The following PCNX3 variants were observed in gnomAD, a reference collection of about 807,000 sequenced individuals.
The protein encoded by PCNX3 is pecanex-like protein 3.
PCNX3 carries 58 observed loss-of-function variants against 207.2 expected under a neutral mutation model. The observed-to-expected ratio is 0.28, with a 90% CI of 0.23 to 0.35. The LOEUF (loss-of-function observed/expected upper bound fraction) is 0.35. PCNX3 is among the 10% of genes least tolerant of loss of function. The probability of loss-of-function intolerance (pLI) is 1.00; values close to 1 mark genes in which losing one functional copy is unlikely to be tolerated. For synonymous variants in PCNX3, 1,337 were observed against 1,183.5 expected (o/e 1.13, Z -2.66); for missense variants, 2,410 against 2,774.4 (o/e 0.87, Z 2.95).
intron 6 of PCNX3, 94 bp from the exon 7 acceptor site, chr11:65,619,443 C>A: frequency 6.5e-7 from 1 of 1,527,894 alleles, no homozygotes. Context: ...TGTACTAGGC[C>A]TTTAGCTCCC....
Position 65,636,414 on chromosome 11 carries a change from C to G in PCNX3, c.5617C>G (p.Pro1873Ala). Residue 1873 changes from proline (P) to alanine (A), a missense_variant, in exon 34 of 35, where the codon CCA (proline) becomes GCA (alanine). Physicochemically the swap from Pro to Ala is conservative, Grantham distance 27. This residue lies in a region of PCNX3 where 278 missense variants were observed against 245.1 expected (regional missense o/e 1.13). Transcript: ENST00000355703. ...AGGCAATGGTGACCAACCCCTCCCA[C>G]CAGGCCCTGGCTGGGGGCCGCGGTC... is the stretch of plus-strand genomic sequence containing the variant. ...TAGNGDQPLP[P>A]GPGWGPRSSL... 1 of 1,556,704 alleles carries G rather than the reference C, an allele frequency of 6.4e-7. No homozygotes were observed.
intron 26 of PCNX3, 44 bp from the exon 27 acceptor site, chr11:65,630,307 G>T: frequency 6.3e-7 from 1 of 1,596,242 alleles, no homozygotes; most frequent in Non-Finnish European, 8.5e-7. Flanking sequence ...AGGGCAGGTA[G>T]GGATTGTTCT....
rs1054689836 is a variant in PCNX3 at position 65,624,860 on chromosome 11, G to A, written c.2828-65G>A. 2.8e-5 allele frequency: 42 copies of A among 1,477,150 alleles called. No individual in the cohort carries two copies. The African/African-American group carries it at 3.3e-4, about 12-fold the overall frequency. 91.5% of individuals were successfully genotyped at this position (1,477,150 alleles called of 1,614,324 possible). On this transcript the variant is annotated intron_variant, in intron 15 of 34. Coordinates refer to ENST00000355703, the MANE Select transcript of PCNX3 (RefSeq NM_032223.4). ...CAGCCTCTGGGAGTTGAGGGGAAGC[G>A]CGGCTAGGGTTGAGGTGGGGTACCT...
rs755908051 is a variant in PCNX3 at position 65,635,813 on chromosome 11, C to G, written c.5459+10C>G. On this transcript the variant is annotated intron_variant, in intron 32 of 34. Coordinates refer to ENST00000355703, the MANE Select transcript of PCNX3 (RefSeq NM_032223.4). This position sits in a 1 kb window ranked among gnomAD's most constrained non-coding sequence, Gnocchi z 9.9. ...TGCGCACCTGGGAGAGGTGAGGCCT[C>G]GGGAAGGGGTGACGTGTGGCGCGGG... 1 of 1,598,812 alleles carries G rather than the reference C, an allele frequency of 6.3e-7. No individual in the cohort carries two copies. Among genetic ancestry groups the G allele is most frequent in the Non-Finnish European group, 8.5e-7 (1 of 1,172,492 alleles).
Position 65,618,817 on chromosome 11 carries a change from A to C in PCNX3, c.1455A>C (p.Pro485=), listed in dbSNP as rs375633475. 14 of 1,611,566 alleles carry C rather than the reference A, an allele frequency of 8.7e-6. No individual in the cohort carries two copies. Among genetic ancestry groups the C allele is most frequent in the Middle Eastern group, 3.3e-4 (2 of 6,082 alleles). Residue 485 remains proline, a synonymous_variant, in exon 6 of 35, where the codon CCA becomes CCC. Coordinates refer to ENST00000355703, the MANE Select transcript of PCNX3 (RefSeq NM_032223.4). The stretch of plus-strand genomic sequence containing the variant: ...GAACTGCTGTGCCCCCCAAGCGGCC[A>C]TATGGGACCCAGCGGACGCCTAGTA... The part of the protein sequence containing the change: ...EEGTAVPPKR[P]YGTQRTPSTA...
chr11:65,622,334 T>C lies in PCNX3; in HGVS notation c.2325T>C (p.Tyr775=), dbSNP rs1188149729. The C allele has an allele frequency of 6.9e-6, 11 of 1,595,620 alleles. No homozygotes were observed. The highest frequency in any genetic ancestry group is 9.4e-6 in the Non-Finnish European group (11 of 1,172,228). Residue 775 remains tyrosine, a synonymous_variant, in exon 11 of 35, where the codon TAT becomes TAC. Transcript: ENST00000355703. ...CTGGCCGCTGGACCTCTGTGCGCTA[T>C]GAGCGGCTTGCCCTGCTGGCTCTGC... ...LLPGRWTSVR[Y]ERLALLALLD... is the part of the protein sequence containing the mutation.
At position 65,629,625 on chromosome 11, in the gene PCNX3, G is replaced by A; in HGVS notation, c.4106G>A (p.Gly1369Asp). The change falls in exon 26 of 35, where the codon GGC becomes GAC. Residue 1369 changes from glycine (G) to aspartate (D), a missense_variant. Gly to Asp is a moderately conservative substitution (Grantham distance 94). Around this residue, in one of 8 missense-constraint regions of PCNX3, gnomAD observed 420 missense variants for 705.3 expected, o/e 0.60. Coordinates refer to ENST00000355703, the MANE Select transcript of PCNX3 (RefSeq NM_032223.4). ...GTGCTGGGCCGCTGGGGCAACTATG[G>A]CCCTGGTGACTGCTTCGTCCTGGCC... ...DLVLGRWGNY[G>D]PGDCFVLASD... 6.2e-7 allele frequency: 1 copy of A among 1,609,172 alleles called. No individual in the cohort carries two copies. The highest frequency in any genetic ancestry group is 8.5e-7 in the Non-Finnish European group (1 of 1,177,810).
Position 65,636,418 on chromosome 11 carries a change from G to GC in PCNX3, c.5624dup (p.Gly1876TrpfsTer13). ...AATGGTGACCAACCCCTCCCACCAG[G>GC]CCCTGGCTGGGGGCCGCGGTCCTCC... On this transcript the variant is annotated frameshift_variant, in exon 34 of 35. Transcript: ENST00000355703. LOFTEE classifies it high-confidence loss of function. The GC allele has an allele frequency of 6.4e-7, 1 of 1,555,340 alleles. No homozygotes were observed. The highest frequency in any genetic ancestry group is 8.7e-7 in the Non-Finnish European group (1 of 1,151,600).
Position 65,622,276 on chromosome 11 carries a change from G to C in PCNX3, c.2267G>C (p.Arg756Pro). ...EQTLMEEAPPRAQHSYKYWLL... is the reference protein window; with the variant it reads ...EQTLMEEAPPPAQHSYKYWLL... ...ACACTGATGGAAGAAGCGCCACCCC[G>C]GGCCCAGCATAGTTACAAGTACTGG... The change falls in exon 11 of 35, where the codon CGG (arginine) becomes CCG (proline). Residue 756 changes from arginine (R) to proline (P), a missense_variant. By Grantham distance (103) the Arg-to-Pro change is moderately radical (BLOSUM62 -2). This residue lies in a region of PCNX3 where 177 missense variants were observed against 257.5 expected (regional missense o/e 0.69). Transcript: ENST00000355703. 2 of 1,601,846 alleles carry C rather than the reference G, an allele frequency of 1.2e-6. No individual in the cohort carries two copies. The highest frequency in any genetic ancestry group is 1.7e-6 in the Non-Finnish European group (2 of 1,174,760).
At chr11:65,630,031 G>A (rs115585038) in intron 26 of PCNX3, among the ~76,000 whole-genome samples, 1,752 of 152,318 alleles carry the variant, frequency 0.012, 29 homozygotes, top group African/African-American at 0.039. Context: ...CTGCTCTGTG[G>A]TCTCAGGCTT....
intron 24 of PCNX3, 147 bp from the exon 25 acceptor site, chr11:65,629,210 A>C: frequency 1.0e-6 from 1 of 961,224 alleles, no homozygotes; most frequent in Non-Finnish European, 1.6e-6. Context: ...GAGTCCCTTC[A>C]TGTACCTGAG....
rs370523828 is a variant in PCNX3 at position 65,624,938 on chromosome 11, G to A, written c.2841G>A (p.Pro947=). The A allele has an allele frequency of 8.8e-5, 141 of 1,610,038 alleles. 1 individual carries two copies. In the East Asian group the frequency reaches 2.8e-3, roughly 32 times the overall value. ...CCTTCCACACAGCTGCCACCAGCCCGCTCACGGCAGTCTTCAGCCTCTCCC... is the reference window on the plus strand; with the variant it reads ...CCTTCCACACAGCTGCCACCAGCCCACTCACGGCAGTCTTCAGCCTCTCCC... ...HGFGGTAATS[P]LTAVFSLSRS... The change falls in exon 16 of 35, where the codon CCG becomes CCA. Residue 947 remains proline, a synonymous_variant. Coordinates refer to ENST00000355703, the MANE Select transcript of PCNX3 (RefSeq NM_032223.4).
intron 7 of PCNX3, 37 bp from the exon 8 acceptor site, chr11:65,619,717 C>T (rs771781800): frequency 9.6e-6 from 15 of 1,562,442 alleles, no homozygotes; most frequent in Admixed American, 9.2e-5. Flanking sequence ...GGCCCGCAAG[C>T]TCTAGCTGGC....
Position 65,619,430 on chromosome 11 carries a change from G to C in PCNX3, c.1706-107G>C. ...TGGCTGGGCCTCAGAGCCGGGGCGT[G>C]GTTGTACTAGGCCTTTAGCTCCCTG... is the stretch of plus-strand genomic sequence containing the variant. On this transcript the variant is annotated intron_variant, in intron 6 of 34. Transcript: ENST00000355703. 3 of 1,495,948 alleles carry C rather than the reference G, an allele frequency of 2.0e-6. No homozygotes were observed. The African/African-American group carries it at 4.1e-5, about 21-fold the overall frequency. The allele number at this position is 1,495,948 out of a possible 1,614,324, so 92.7% of individuals were successfully genotyped here. A position where few individuals can be genotyped will look rare whatever the true frequency, so the allele number is the denominator to read the frequency against.
rs902840627 is a variant in PCNX3 at position 65,619,719 on chromosome 11, C to T, written c.1830-35C>T. The stretch of plus-strand genomic sequence containing the variant: ...GGGGGCCGGGGAGGGCCCGCAAGCT[C>T]TAGCTGGCGCTGACCTGGGGCTGAC... On this transcript the variant is annotated intron_variant, in intron 7 of 34. Transcript: ENST00000355703. 1.9e-6 allele frequency: 3 copies of T among 1,561,472 alleles called. No individual in the cohort carries two copies. The African/African-American group carries it at 4.0e-5, about 21-fold the overall frequency.
chr11:65,621,392 C>T (rs1283867157), intron 10 of PCNX3, among the ~76,000 whole-genome samples: 5 of 152,346 alleles, frequency 3.3e-5, no homozygotes, highest in Middle Eastern at 3.4e-3. Flanking sequence ...ATTACCAGCG[C>T]TCTGTCACTC....
At chr11:65,629,216 C>T (rs1036430987) in intron 24 of PCNX3, 141 bp from the exon 25 acceptor site, 1 of 991,844 alleles carries the variant, frequency 1.0e-6, no homozygotes, top group Non-Finnish European at 1.5e-6. Flanking sequence ...CTTCATGTAC[C>T]TGAGCCTCAG....
In PCNX3 at chr11:65,619,084, G is replaced by C. The variant is rs757695712; in HGVS notation, c.1705+17G>C. ...TGGGGGGAGGTGAGTGCTTGCTCTA[G>C]AGGCAGGGGCTGGGGGACGTGAGCT... On this transcript the variant is annotated intron_variant, in intron 6 of 34. Coordinates refer to ENST00000355703, the MANE Select transcript of PCNX3 (RefSeq NM_032223.4). 3 of 1,572,758 alleles carry C rather than the reference G, an allele frequency of 1.9e-6. No homozygotes were observed. Among genetic ancestry groups the C allele is most frequent in the Non-Finnish European group, 2.6e-6 (3 of 1,163,702 alleles).
rs1182449939 is a variant in PCNX3, at chr11:65,635,131, G to C, written c.4953+11G>C. The C allele has an allele frequency of 6.2e-7, 1 of 1,611,904 alleles. No homozygotes were observed. The highest frequency in any genetic ancestry group is 8.5e-7 in the Non-Finnish European group (1 of 1,178,712). The stretch of plus-strand genomic sequence containing the variant: ...CTCAAGCTTCACCAGGTTGGGGAGG[G>C]GTGTGCCCAGCAGCATGGGCAGGTG... On this transcript the variant is annotated intron_variant, in intron 30 of 34. Coordinates refer to ENST00000355703, the MANE Select transcript of PCNX3 (RefSeq NM_032223.4). This position sits in a 1 kb window ranked among gnomAD's most constrained non-coding sequence, Gnocchi z 9.9.
Sources: allele counts gnomAD v4.1 joint callset (sites outside exome capture counted in the v4.1 genomes callset), GRCh38; gene constraint gnomAD v4.1.1; regional missense constraint gnomAD v4.1.1; non-coding constraint Gnocchi (gnomAD v3.1); transcripts MANE v1.5; gene names NCBI Gene and HGNC (gene_info 2026-07-23, HGNC 2026-07-21).